The following GLIS3 variants were observed in gnomAD, a reference collection of about 807,000 sequenced individuals.
GLIS3 encodes the protein zinc finger protein GLIS3.
GLIS3 carries 53 observed loss-of-function variants against 78.6 expected under a neutral mutation model. The ratio of observed to expected loss-of-function variants is 0.67; its 90% confidence interval spans 0.54 to 0.85. The LOEUF is 0.85. Ranked by LOEUF, GLIS3 falls within the 40% of genes least tolerant of loss-of-function variation. GLIS3 has a pLI of 0.00. For synonymous variants in GLIS3, 684 were observed against 509.9 expected, an observed-to-expected ratio of 1.34 and a Z score of -4.60; for missense variants, 1,703 against 1,231.1, an observed-to-expected ratio of 1.38 and a Z score of -5.74.
chr9:4,392,011 C>G, the GLIS3 span, among the ~76,000 whole-genome samples: 1 of 152,266 alleles, frequency 6.6e-6, no homozygotes. Context: ...AAATGCCCAT[C>G]AGTGACAGAC....
chr9:4,017,689 G>A (rs781007389), intron 4 of GLIS3, among the ~76,000 whole-genome samples: 58 of 152,186 alleles, frequency 3.8e-4, no homozygotes, highest in Non-Finnish European at 7.2e-4. Flanking sequence ...TAGAACCCAG[G>A]ATGCATAGCC....
intron 4 of GLIS3, among the ~76,000 whole-genome samples, chr9:3,950,373 G>A (rs1816596986): frequency 1.3e-5 from 2 of 152,098 alleles, no homozygotes; most frequent in African/African-American, 4.8e-5. Flanking sequence ...TTTCCCACTG[G>A]TTTTCAAATA....
At chr9:4,349,189 A>G (rs1817930826), upstream of GLIS3, among the ~76,000 whole-genome samples, 1 of 152,250 alleles carries the variant, frequency 6.6e-6, no homozygotes, top group Admixed American at 6.5e-5. Context: ...ACCCCAGTTG[A>G]TAGCAATCTC....
chr9:4,485,528 C>T, the GLIS3 span, among the ~76,000 whole-genome samples: 2 of 152,158 alleles, frequency 1.3e-5, no homozygotes, highest in Non-Finnish European at 2.9e-5. Context: ...AAAACTCCAG[C>T]CTCCAAATTT....
chr9:3,903,993 A>G (rs1464697940), intron 6 of GLIS3, among the ~76,000 whole-genome samples: 10 of 152,212 alleles, frequency 6.6e-5, no homozygotes, highest in African/African-American at 4.8e-5. Flanking sequence ...GCATTCCCCA[A>G]TAAGTCTCTT....
the GLIS3 span, among the ~76,000 whole-genome samples, chr9:4,485,610 C>A: frequency 2.6e-5 from 4 of 152,158 alleles, no homozygotes; most frequent in Non-Finnish European, 5.9e-5. Flanking sequence ...TAAGCTCCAT[C>A]TTTACAACAA....
rs527546028 is a variant in GLIS3, at chr9:3,842,842, C to G, written c.2473+13167G>C. On this transcript the variant is annotated intron_variant, in intron 9 of 10. Transcript: ENST00000381971. ...ATACCAATTTAAAACAACAACAGAACGGCTCTAATTTCATTTGAAATGGAG... is the reference window on the plus strand; with the variant it reads ...ATACCAATTTAAAACAACAACAGAAGGGCTCTAATTTCATTTGAAATGGAG... Among the ~76,000 whole-genome samples, 17 of 152,334 alleles carry G rather than the reference C, an allele frequency of 1.1e-4. No individual in the cohort carries two copies. In the East Asian group the frequency reaches 1.7e-3, roughly 16 times the overall value.
At chr9:3,932,974 G>T in intron 5 of GLIS3, 1 of 264,434 alleles carries the variant, frequency 3.8e-6, no homozygotes, top group Non-Finnish European at 7.7e-6. Context: ...TGTAAAGTGA[G>T]TAAGAGACAG....
chr9:3,896,607 A>G (rs1408544277), intron 7 of GLIS3, among the ~76,000 whole-genome samples: 1 of 135,660 alleles, frequency 7.4e-6, no homozygotes, highest in Non-Finnish European at 1.5e-5. Flanking sequence ...TAGAGGTTGC[A>G]GTGAGCTGAG....
At chr9:4,157,377 C>A (rs147721068) in intron 2 of GLIS3, among the ~76,000 whole-genome samples, 1 of 152,038 alleles carries the variant, frequency 6.6e-6, no homozygotes, top group African/African-American at 2.4e-5. Flanking sequence ...CAACAGGGCA[C>A]GATTTTGCAT....
chr9:4,151,367 C>G (rs1243313042), intron 2 of GLIS3, among the ~76,000 whole-genome samples: 1 of 152,202 alleles, frequency 6.6e-6, no homozygotes, highest in Non-Finnish European at 1.5e-5. Flanking sequence ...AGCAGAAACA[C>G]AGCTAAACCA....
intron 4 of GLIS3, among the ~76,000 whole-genome samples, chr9:3,994,044 T>C (rs148609452): frequency 1.6e-3 from 246 of 152,306 alleles, no homozygotes; most frequent in African/African-American, 5.5e-3. Context: ...CCCTCAGAGT[T>C]TGCTGACTGA....
chr9:4,114,294 G>A (rs200164667), intron 4 of GLIS3, among the ~76,000 whole-genome samples: 7 of 152,102 alleles, frequency 4.6e-5, no homozygotes, highest in Admixed American at 3.3e-4. Context: ...CAGTACAAAC[G>A]TTCTCAGGGT....
intron 4 of GLIS3, among the ~76,000 whole-genome samples, chr9:4,103,054 A>G (rs1415936908): frequency 1.3e-5 from 2 of 152,184 alleles, no homozygotes; most frequent in African/African-American, 2.4e-5. Flanking sequence ...ATCCTGCTGG[A>G]GCCAATGAAG....
At chr9:4,033,271 A>G (rs970480873) in intron 4 of GLIS3, among the ~76,000 whole-genome samples, 2 of 152,270 alleles carry the variant, frequency 1.3e-5, no homozygotes, top group African/African-American at 2.4e-5. Context: ...CTTATAGCAT[A>G]AAGGGTATTT....
chr9:4,092,226 A>G (rs1345660256), intron 4 of GLIS3, among the ~76,000 whole-genome samples: 3 of 147,114 alleles, frequency 2.0e-5, no homozygotes, highest in African/African-American at 5.1e-5. Context: ...GTCTCGGCTC[A>G]CTGCAAGCCT....
At chr9:4,037,730 A>C (rs550408189) in intron 4 of GLIS3, among the ~76,000 whole-genome samples, 2 of 152,224 alleles carry the variant, frequency 1.3e-5, no homozygotes, top group African/African-American at 4.8e-5. Flanking sequence ...CTTGAATTTC[A>C]AACCTCAGAT....
chr9:4,332,660 T>C (rs960284092), intron 2 of GLIS3, among the ~76,000 whole-genome samples: 5 of 152,180 alleles, frequency 3.3e-5, no homozygotes, highest in African/African-American at 1.2e-4. Flanking sequence ...CCAACCTACC[T>C]CTGGACTATT....
chr9:4,439,605 C>G, the GLIS3 span, among the ~76,000 whole-genome samples: 1 of 152,192 alleles, frequency 6.6e-6, no homozygotes, highest in African/African-American at 2.4e-5. Context: ...CTGGTAAACA[C>G]CATTCTACTC....
Sources: allele counts gnomAD v4.1 joint callset (sites outside exome capture counted in the v4.1 genomes callset), GRCh38; gene constraint gnomAD v4.1.1; transcripts MANE v1.5; gene names NCBI Gene and HGNC (gene_info 2026-07-23, HGNC 2026-07-21).